The following GPD2 variants were observed in gnomAD, a reference collection of about 807,000 sequenced individuals.
The protein encoded by GPD2 is glycerol-3-phosphate dehydrogenase, mitochondrial.
In GPD2, 54 loss-of-function variants were observed where a neutral mutation model predicts 82.4. The ratio of observed to expected loss-of-function variants is 0.66; its 90% confidence interval spans 0.53 to 0.82. The LOEUF (loss-of-function observed/expected upper bound fraction) is 0.82. GPD2 is among the 40% of genes least tolerant of loss of function. The pLI, the probability that GPD2 is intolerant of heterozygous loss-of-function variation, is 0.00. For missense variants in GPD2, 748 were observed against 896.2 expected (o/e 0.83, Z 2.11); for synonymous variants, 288 against 306.1 (o/e 0.94, Z 0.62).
chr2:156,528,794 C>T (rs372127146), intron 6 of GPD2, among the ~76,000 whole-genome samples: 23 of 152,170 alleles, frequency 1.5e-4, no homozygotes, highest in African/African-American at 5.3e-4. Flanking sequence ...CTGCATAGTA[C>T]TCCATGGTGT....
chr2:156,569,602 ACTGGCAG>A, intron 11 of GPD2, 64 bp downstream of exon 11: 4 of 1,218,178 alleles, frequency 3.3e-6, no homozygotes, highest in Non-Finnish European at 4.9e-6. Flanking sequence ...CAGTGACAGA[ACTGGCAG>A]CAATCAGGTC....
intron 1 of GPD2, among the ~76,000 whole-genome samples, chr2:156,457,287 C>T (rs1391598505): frequency 6.6e-6 from 1 of 152,184 alleles, no homozygotes; most frequent in Non-Finnish European, 1.5e-5. Context: ...CTTGGGTTAA[C>T]TCAGGCCACA....
chr2:156,471,568 T>C (rs1683330147), intron 1 of GPD2, among the ~76,000 whole-genome samples: 1 of 152,210 alleles, frequency 6.6e-6, no homozygotes, highest in South Asian at 2.1e-4. Flanking sequence ...GAACGTACCA[T>C]GATGCTCCCC....
the GPD2 span, among the ~76,000 whole-genome samples, chr2:156,411,792 G>A: frequency 6.6e-6 from 1 of 151,924 alleles, no homozygotes; most frequent in Non-Finnish European, 1.5e-5. Context: ...AAAAAATAAT[G>A]GTCATTATCT....
intron 1 of GPD2, among the ~76,000 whole-genome samples, chr2:156,472,574 A>T (rs1266710611): frequency 6.6e-6 from 1 of 152,112 alleles, no homozygotes; most frequent in Non-Finnish European, 1.5e-5. Flanking sequence ...TACCCACCTC[A>T]GCCTCCCAAA....
intron 9 of GPD2, among the ~76,000 whole-genome samples, chr2:156,567,378 G>A (rs916997714): frequency 2.0e-5 from 3 of 151,872 alleles, no homozygotes; most frequent in East Asian, 1.9e-4. Flanking sequence ...TTTTGTATAC[G>A]ATATAAGATA....
At position 156,584,846 on chromosome 2, in the gene GPD2, G is replaced by A. The variant is rs574228499; in HGVS notation, c.*1928G>A. ...ATATCCCAGATGATATACACAATAT[G>A]GTACATTTGTGCTCTCTCTCTCTGT... On this transcript the variant is annotated 3_prime_UTR_variant, in exon 17 of 17. Transcript: ENST00000438166. 1 of 152,252 alleles carries A rather than the reference G, an allele frequency of 6.6e-6. No individual in the cohort carries two copies. Among genetic ancestry groups the A allele is most frequent in the African/African-American group, 2.4e-5 (1 of 41,464 alleles). The allele number at this position is 152,252 out of a possible 1,614,324, so 9.4% of individuals were successfully genotyped here. A position where few individuals can be genotyped will look rare whatever the true frequency, so the allele number is the denominator to read the frequency against.
chr2:156,447,378 A>G (rs1682404965), intron 1 of GPD2, among the ~76,000 whole-genome samples: 1 of 151,474 alleles, frequency 6.6e-6, no homozygotes, highest in Non-Finnish European at 1.5e-5. Flanking sequence ...CCTGTCACTC[A>G]GGCTGGATTG....
chr2:156,421,378 G>A, the GPD2 span, among the ~76,000 whole-genome samples: 1 of 152,208 alleles, frequency 6.6e-6, no homozygotes, highest in Non-Finnish European at 1.5e-5. Flanking sequence ...TGACAACTTT[G>A]CATAAGTAGC....
At chr2:156,417,622 C>T in the GPD2 span, among the ~76,000 whole-genome samples, 6 of 151,962 alleles carry the variant, frequency 3.9e-5, no homozygotes, top group Non-Finnish European at 7.4e-5. Context: ...CTTTATTTTA[C>T]ATATATTCAA....
Position 156,496,145 on chromosome 2 carries a change from T to G in GPD2, c.204T>G (p.Ser68=). The G allele has an allele frequency of 6.2e-7, 1 of 1,612,968 alleles. No homozygotes were observed. Among genetic ancestry groups the G allele is most frequent in the Non-Finnish European group, 8.5e-7 (1 of 1,178,982 alleles). The stretch of plus-strand genomic sequence containing the variant: ...AGCTACTGACTTTGCAAAACACATC[T>G]GAATTTGATATCCTTGTTATTGGAG... ...EAQLLTLQNT[S]EFDILVIGGG... is the part of the protein sequence containing the mutation. Residue 68 remains serine, a synonymous_variant, in exon 3 of 17, where the codon TCT becomes TCG. Coordinates refer to ENST00000438166, the MANE Select transcript of GPD2 (RefSeq NM_000408.5).
At chr2:156,445,090 A>G (rs1373004969) in intron 1 of GPD2, among the ~76,000 whole-genome samples, 1 of 152,204 alleles carries the variant, frequency 6.6e-6, no homozygotes, top group African/African-American at 2.4e-5. Context: ...TTAGCAATTT[A>G]ACCTAACGTG....
the GPD2 span, among the ~76,000 whole-genome samples, chr2:156,400,594 T>G: frequency 1.2e-4 from 19 of 152,256 alleles, no homozygotes; most frequent in Non-Finnish European, 1.5e-4. Flanking sequence ...GCCAGCTCGT[T>G]GCGCGAGGTC....
intron 16 of GPD2, among the ~76,000 whole-genome samples, chr2:156,582,364 A>G (rs1688056025): frequency 6.6e-6 from 1 of 151,926 alleles, no homozygotes; most frequent in South Asian, 2.1e-4. Flanking sequence ...CGAAGTTGTC[A>G]AGTACAGTAA....
chr2:156,476,503 T>C (rs1012540962), intron 2 of GPD2, among the ~76,000 whole-genome samples: 1 of 152,218 alleles, frequency 6.6e-6, no homozygotes, highest in African/African-American at 2.4e-5. Flanking sequence ...ATTTAGACTT[T>C]CCTTGTCTAA....
rs375032538 is a variant in GPD2 at position 156,549,632 on chromosome 2, A to G, written c.686A>G (p.Asn229Ser). 3.7e-6 allele frequency: 6 copies of G among 1,613,922 alleles called. No individual in the cohort carries two copies. The highest frequency in any genetic ancestry group is 2.2e-5 in the East Asian group (1 of 44,888). Residue 229 changes from asparagine (N) to serine (S), a missense_variant, in exon 7 of 17, where the codon AAC becomes AGC. Asn to Ser is a conservative substitution (Grantham distance 46). This residue lies in a region of GPD2 where 692 missense variants were observed against 809.7 expected (regional missense o/e 0.85). Coordinates refer to ENST00000438166, the MANE Select transcript of GPD2 (RefSeq NM_000408.5). The stretch of plus-strand genomic sequence containing the variant: ...GGACAACATAACGATGCACGGATGA[A>G]CCTTGCCATTGCTCTGACTGCTGCC... ...YDGQHNDARMNLAIALTAARY... is the reference protein window; with the variant it reads ...YDGQHNDARMSLAIALTAARY...
chr2:156,551,155 G>T (rs1282359927), intron 8 of GPD2, among the ~76,000 whole-genome samples: 1 of 152,020 alleles, frequency 6.6e-6, no homozygotes, highest in African/African-American at 2.4e-5. Flanking sequence ...ATCTGAAGAT[G>T]TGGGCTACCC....
At chr2:156,403,566 C>T in the GPD2 span, among the ~76,000 whole-genome samples, 3 of 151,582 alleles carry the variant, frequency 2.0e-5, no homozygotes, top group Admixed American at 6.6e-5. Context: ...TGTTTAAGTA[C>T]GTTTGAGTTG....
At chr2:156,459,983 G>A (rs1221037270) in intron 1 of GPD2, among the ~76,000 whole-genome samples, 1 of 152,118 alleles carries the variant, frequency 6.6e-6, no homozygotes, top group African/African-American at 2.4e-5. Context: ...TACTGAACCT[G>A]GCGTTTTGAC....
Sources: gnomAD v4.1 joint callset for allele counts (sites outside exome capture counted in the v4.1 genomes callset) on GRCh38, gnomAD v4.1.1 for gene constraint, gnomAD v4.1.1 regional missense constraint, MANE v1.5 for transcripts, NCBI Gene and HGNC (gene_info 2026-07-23, HGNC 2026-07-21) for gene names.